The following PCDHA7 variants were observed in gnomAD, a reference collection of about 807,000 sequenced individuals.
PCDHA7 encodes the protein protocadherin alpha 7, also known as protocadherin alpha-7.
In PCDHA7, 37 loss-of-function variants were observed where a neutral mutation model predicts 57.2. The observed-to-expected ratio is 0.65, with a 90% CI of 0.50 to 0.85. The LOEUF (loss-of-function observed/expected upper bound fraction) is 0.85, where lower values mean the gene tolerates loss of function less well. Among genes scored for constraint, PCDHA7 ranks in the 40% least tolerant of loss-of-function variants. PCDHA7 has a pLI of 0.00. For missense variants in PCDHA7, 1,188 were observed against 1,241.8 expected (o/e 0.96, Z 0.65); for synonymous variants, 553 against 558.8 (o/e 0.99, Z 0.15).
Position 140,946,631 on chromosome 5 carries a change from T to TATATATATATATATATATATATACAC in PCDHA7, c.2356-32317_2356-32316insTATATATATATATATATATATACACA, listed in dbSNP as rs57893927. Among the ~76,000 whole-genome samples, 213 of 131,752 alleles carry TATATATATATATATATATATATACAC rather than the reference T, an allele frequency of 1.6e-3. 5 individuals carry two copies. The highest frequency in any genetic ancestry group is 6.6e-3 in the African/African-American group (188 of 28,632). The allele number at this position is 131,752 out of a possible 152,430, so 86.4% of individuals were successfully genotyped here. A position where few individuals can be genotyped will look rare whatever the true frequency, so the allele number is the denominator to read the frequency against. Reference sequence around the variant, plus strand: ...TGTGAAATATATATATATATATATATACAATGGAATACTCATCAGCCATTA... The same window carrying TATATATATATATATATATATATACAC: ...TGTGAAATATATATATATATATATATATATATATATATATATATATATACACACAATGGAATACTCATCAGCCATTA... On this transcript the variant is annotated intron_variant, in intron 1 of 3. Transcript: ENST00000525929.
In PCDHA7 at chr5:140,884,064, C is replaced by A. The variant is rs150717183; in HGVS notation, c.2355+47326C>A. On this transcript the variant is annotated intron_variant, in intron 1 of 3. Transcript: ENST00000525929. ...GTGGCGAAGGTGCGCGCGGTGGACGCCGATTCGGGCTACAATGCGTGGCTT... is the reference window on the plus strand; with the variant it reads ...GTGGCGAAGGTGCGCGCGGTGGACGACGATTCGGGCTACAATGCGTGGCTT... 2.3e-3 allele frequency: 3,707 copies of A among 1,613,502 alleles called. 15 individuals carry two copies. Among genetic ancestry groups the A allele is most frequent in the Middle Eastern group, 9.0e-3 (54 of 5,970 alleles).
At chr5:140,899,269 A>C (rs1301807291) in intron 1 of PCDHA7, among the ~76,000 whole-genome samples, 2 of 152,260 alleles carry the variant, frequency 1.3e-5, no homozygotes, top group East Asian at 3.9e-4. Context: ...GTCTTGTGGC[A>C]GTTTTCAAAG....
intron 1 of PCDHA7, chr5:140,875,217 C>G (rs1554167556): frequency 2.7e-6 from 2 of 734,894 alleles, no homozygotes; most frequent in African/African-American, 3.5e-5. Flanking sequence ...CCGAAAAGAA[C>G]CTCAGGATCT....
In PCDHA7 at chr5:140,929,533, A is replaced by G; in HGVS notation, c.2356-49416A>G. 8.5e-6 allele frequency: 5 copies of G among 588,644 alleles called. No individual in the cohort carries two copies. The East Asian group carries it at 1.3e-4, about 16-fold the overall frequency. The allele number at this position is 588,644 out of a possible 1,614,324, so 36.5% of individuals were successfully genotyped here. The stretch of plus-strand genomic sequence containing the variant: ...AAGGGACTTATAGTTTATTTTTGAG[A>G]AACAAGGGCAAAAATTAAAACCTAT... On this transcript the variant is annotated intron_variant, in intron 1 of 3. Coordinates refer to ENST00000525929, the MANE Select transcript of PCDHA7 (RefSeq NM_018910.3).
intron 1 of PCDHA7, chr5:140,868,220 A>C (rs1360862031): frequency 6.6e-6 from 1 of 152,156 alleles, no homozygotes; most frequent in Admixed American, 6.5e-5. Context: ...TATATGTCAA[A>C]TAAAAACTCA....
Position 140,979,003 on chromosome 5 carries a change from C to G in PCDHA7, c.2410C>G (p.His804Asp). ...RYSASLRAGM[H>D]SSVHLEEAGI... Reference sequence around the variant, plus strand: ...CTCTGCCTCCCTGAGAGCAGGCATGCACAGGTATGTATTTCCCTCCTCATT... The same window carrying G: ...CTCTGCCTCCCTGAGAGCAGGCATGGACAGGTATGTATTTCCCTCCTCATT... The change falls in exon 2 of 4, where the codon CAC becomes GAC. Residue 804 changes from histidine (H) to aspartate (D), a missense_variant. By Grantham distance (81) the His-to-Asp change is moderately conservative. Transcript: ENST00000525929. 1.2e-6 allele frequency: 2 copies of G among 1,614,144 alleles called. No homozygotes were observed. The highest frequency in any genetic ancestry group is 1.7e-6 in the Non-Finnish European group (2 of 1,180,022).
At chr5:140,902,442 T>G (rs1182491503) in intron 1 of PCDHA7, among the ~76,000 whole-genome samples, 1 of 152,166 alleles carries the variant, frequency 6.6e-6, no homozygotes, top group Non-Finnish European at 1.5e-5. Flanking sequence ...CCTTGTCATA[T>G]TCTAGATCCT....
chr5:140,982,373 T>C, intron 2 of PCDHA7, 102 bp from the exon 3 acceptor site: 1 of 1,559,640 alleles, frequency 6.4e-7, no homozygotes, highest in Non-Finnish European at 8.7e-7. Context: ...ATGTGTTAGC[T>C]GCAGCCCTGG....
chr5:140,921,732 A>G lies in PCDHA7; in HGVS notation c.2356-57217A>G, dbSNP rs1345229893. 2.0e-5 allele frequency among the ~76,000 whole-genome samples: 3 copies of G among 152,206 alleles called. No individual in the cohort carries two copies. In the East Asian group the frequency reaches 5.8e-4, roughly 29 times the overall value. ...AAACACACGAATTACTCCCATAAAA[A>G]TTATAAGCATAACAGGACACTTCTT... is the stretch of plus-strand genomic sequence containing the variant. On this transcript the variant is annotated intron_variant, in intron 1 of 3. Coordinates refer to ENST00000525929, the MANE Select transcript of PCDHA7 (RefSeq NM_018910.3).
chr5:140,891,820 G>A (rs1341896388), intron 1 of PCDHA7, among the ~76,000 whole-genome samples: 1 of 152,102 alleles, frequency 6.6e-6, no homozygotes, highest in African/African-American at 2.4e-5. Context: ...TAAATTAACG[G>A]CACTGTAAAA....
At position 140,936,850 on chromosome 5, in the gene PCDHA7, CTTCTCAGT is replaced by C. The variant is rs1421923207; in HGVS notation, c.2356-42094_2356-42087del. Among the ~76,000 whole-genome samples the C allele has an allele frequency of 3.1e-4, 47 of 152,208 alleles. 1 individual carries two copies. Among genetic ancestry groups the C allele is most frequent in the African/African-American group, 1.1e-3 (46 of 41,532 alleles). On this transcript the variant is annotated intron_variant, in intron 1 of 3. Coordinates refer to ENST00000525929, the MANE Select transcript of PCDHA7 (RefSeq NM_018910.3). ...ATTTCTATATAAATTGTAGATTCAG[CTTCTCAGT>C]TTCTATTTTAAAAAACCCTGCTTTG... is the stretch of plus-strand genomic sequence containing the variant.
intron 1 of PCDHA7, among the ~76,000 whole-genome samples, chr5:140,958,935 G>A (rs1439446773): frequency 9.3e-6 from 1 of 107,572 alleles, no homozygotes; most frequent in African/African-American, 4.3e-5. Flanking sequence ...GCTCATACTT[G>A]TAATAATATT....
At chr5:140,925,072 G>C (rs921580794) in intron 1 of PCDHA7, among the ~76,000 whole-genome samples, 1 of 149,184 alleles carries the variant, frequency 6.7e-6, no homozygotes, top group Non-Finnish European at 1.5e-5. Context: ...AAAGCAACAC[G>C]CTCATCTGGA....
chr5:140,853,923 T>C lies in PCDHA7; in HGVS notation c.2355+17185T>C, dbSNP rs150827815. 226 of 917,558 alleles carry C rather than the reference T, an allele frequency of 2.5e-4. 13 individuals carry two copies. The highest frequency in any genetic ancestry group is 2.8e-4 in the Non-Finnish European group (208 of 754,762). The allele number at this position is 917,558 out of a possible 1,614,324, so 56.8% of individuals were successfully genotyped here. A position where few individuals can be genotyped will look rare whatever the true frequency, so the allele number is the denominator to read the frequency against. On this transcript the variant is annotated intron_variant, in intron 1 of 3. Coordinates refer to ENST00000525929, the MANE Select transcript of PCDHA7 (RefSeq NM_018910.3). Reference sequence around the variant, plus strand: ...TGGCCTGACACCTGCAATCCCAACATTTTGGGAGGCCAAGGTGGGAGGGTC... The same window carrying C: ...TGGCCTGACACCTGCAATCCCAACACTTTGGGAGGCCAAGGTGGGAGGGTC...
chr5:140,968,807 G>C (rs1327580375), intron 1 of PCDHA7: 1 of 1,614,178 alleles, frequency 6.2e-7, no homozygotes, highest in Non-Finnish European at 8.5e-7. Flanking sequence ...AGTAGCTGTG[G>C]TGGATAGGGT....
At chr5:140,882,018 A>C in intron 1 of PCDHA7, 2 of 559,360 alleles carry the variant, frequency 3.6e-6, no homozygotes, top group East Asian at 3.1e-5. Context: ...AAAATACTAC[A>C]TCAATGGAAA....
intron 1 of PCDHA7, among the ~76,000 whole-genome samples, chr5:140,953,278 T>C (rs1227774652): frequency 6.6e-5 from 10 of 152,146 alleles, no homozygotes; most frequent in African/African-American, 2.4e-4. Flanking sequence ...CTTTGCTCTT[T>C]ATATGTGATT....
At chr5:140,921,538 A>C (rs572073676) in intron 1 of PCDHA7, among the ~76,000 whole-genome samples, 2 of 152,344 alleles carry the variant, frequency 1.3e-5, no homozygotes, top group Admixed American at 6.5e-5. Flanking sequence ...CTGATAGAAC[A>C]TTCTGCAAAA....
At chr5:140,985,086 T>C (rs564487119) in intron 3 of PCDHA7, among the ~76,000 whole-genome samples, 1 of 152,000 alleles carries the variant, frequency 6.6e-6, no homozygotes, top group Non-Finnish European at 1.5e-5. Context: ...TACAGGCGTG[T>C]GCCACCAAGC....
Sources: gnomAD v4.1 joint callset for allele counts (sites outside exome capture counted in the v4.1 genomes callset) on GRCh38, gnomAD v4.1.1 for gene constraint, MANE v1.5 for transcripts, NCBI Gene and HGNC (gene_info 2026-07-23, HGNC 2026-07-21) for gene names.